SIAH1: variants seen among roughly 807,000 people sequenced by gnomAD.
SIAH1 encodes the protein siah E3 ubiquitin protein ligase 1, also known as E3 ubiquitin-protein ligase SIAH1.
SIAH1 carries 2 observed loss-of-function variants against 20.0 expected under a neutral mutation model. The observed-to-expected ratio is 0.10, with a 90% confidence interval of 0.04 to 0.31. The LOEUF (loss-of-function observed/expected upper bound fraction) is 0.31, where lower values mean the gene tolerates loss of function less well. Ranked by LOEUF, SIAH1 falls within the 10% of genes least tolerant of loss-of-function variation. The probability of loss-of-function intolerance (pLI) is 1.00; values close to 1 mark genes in which losing one functional copy is unlikely to be tolerated. For synonymous variants in SIAH1, 118 were observed against 125.3 expected, an observed-to-expected ratio of 0.94 and a Z score of 0.39; for missense variants, 119 against 355.3, an observed-to-expected ratio of 0.33 and a Z score of 5.35.
At chr16:48,365,488 G>A in intron 1 of SIAH1, 1 of 1,611,010 alleles carries the variant, frequency 6.2e-7, no homozygotes, top group Non-Finnish European at 8.5e-7. Flanking sequence ...GAGAAGTCAG[G>A]CCACGCATTG....
chr16:48,368,715 C>A (rs1191428557), intron 1 of SIAH1, among the ~76,000 whole-genome samples: 1 of 151,930 alleles, frequency 6.6e-6, no homozygotes, highest in African/African-American at 2.4e-5. Context: ...TGCACTCCAG[C>A]CTGGGCGACA....
At chr16:48,381,042 T>C (rs553994444) in intron 1 of SIAH1, among the ~76,000 whole-genome samples, 68 of 151,122 alleles carry the variant, frequency 4.5e-4, no homozygotes, top group East Asian at 1.6e-3. Context: ...TGCAAAATGG[T>C]ACAGCCAATC....
chr16:48,367,832 A>G lies in SIAH1; in HGVS notation c.-2-5402T>C, dbSNP rs563710791. Among the ~76,000 whole-genome samples, 24 of 152,386 alleles carry G rather than the reference A, an allele frequency of 1.6e-4. No individual in the cohort carries two copies. The South Asian group carries it at 4.3e-3, about 28-fold the overall frequency. On this transcript the variant is annotated intron_variant, in intron 1 of 1. Coordinates refer to ENST00000394725, the MANE Select transcript of SIAH1 (RefSeq NM_003031.4). ...AAGTTCACAGAAGTACCTTAAGACA[A>G]GCCCATAGAATCCAAAACTGGCAAA... is the stretch of plus-strand genomic sequence containing the variant.
At chr16:48,365,860 CT>C (rs1960815241) in intron 1 of SIAH1, 1 of 1,248,928 alleles carries the variant, frequency 8.0e-7, no homozygotes, top group Non-Finnish European at 1.0e-6. Flanking sequence ...AGGAAGTGCG[CT>C]CCCTGAGCCA....
chr16:48,372,680 A>C (rs1307749820), intron 1 of SIAH1, among the ~76,000 whole-genome samples: 2 of 152,228 alleles, frequency 1.3e-5, no homozygotes, highest in African/African-American at 2.4e-5. Context: ...CCACTAAAGC[A>C]CTTGTATGTC....
chr16:48,370,079 AG>A (rs1313263193), intron 1 of SIAH1, among the ~76,000 whole-genome samples: 1 of 152,230 alleles, frequency 6.6e-6, no homozygotes, highest in African/African-American at 2.4e-5. Flanking sequence ...GTGAAAGAAA[AG>A]CCTAATGCCA....
rs200203229 is a variant in SIAH1 at position 48,365,392 on chromosome 16, C to A, written c.-2-2962G>T. 1.1e-4 allele frequency: 182 copies of A among 1,613,988 alleles called. No individual in the cohort carries two copies. The highest frequency in any genetic ancestry group is 1.4e-4 in the Non-Finnish European group (163 of 1,180,014). On this transcript the variant is annotated intron_variant, in intron 1 of 1. Transcript: ENST00000394725. ...CATCCTCTTAATGTCAATACCTTTT[C>A]TCTTCCTTGTCCTGGCCGCTGGTAA...
chr16:48,365,710 G>C, intron 1 of SIAH1: 1 of 1,424,242 alleles, frequency 7.0e-7, no homozygotes, highest in Non-Finnish European at 9.1e-7. Flanking sequence ...TCCAAAAATG[G>C]GAGCCACAGC....
chr16:48,368,715 C>T (rs1191428557), intron 1 of SIAH1, among the ~76,000 whole-genome samples: 1 of 152,046 alleles, frequency 6.6e-6, no homozygotes, highest in East Asian at 1.9e-4. Context: ...TGCACTCCAG[C>T]CTGGGCGACA....
intron 1 of SIAH1, among the ~76,000 whole-genome samples, chr16:48,384,830 G>C (rs928522141): frequency 6.1e-5 from 9 of 148,096 alleles, no homozygotes; most frequent in Non-Finnish European, 1.3e-4. Flanking sequence ...GCCGGCACGA[G>C]GGCGCGGGGC....
At chr16:48,386,089 C>T (rs1460024775), upstream of SIAH1, among the ~76,000 whole-genome samples, 1 of 152,218 alleles carries the variant, frequency 6.6e-6, no homozygotes, top group Non-Finnish European at 1.5e-5. Flanking sequence ...AGGGACTCTG[C>T]ATTCCACTTC....
intron 1 of SIAH1, chr16:48,365,950 C>A (rs994340287): frequency 4.2e-6 from 5 of 1,184,408 alleles, no homozygotes; most frequent in Middle Eastern, 6.7e-4. Context: ...GCGTTGGGAA[C>A]GCCTACTCCA....
chr16:48,381,217 C>T (rs987954321), intron 1 of SIAH1, among the ~76,000 whole-genome samples: 2 of 151,702 alleles, frequency 1.3e-5, no homozygotes, highest in African/African-American at 2.4e-5. Flanking sequence ...TCATGGCAGG[C>T]GCCTGTAATC....
intron 1 of SIAH1, among the ~76,000 whole-genome samples, chr16:48,370,250 T>C (rs912173706): frequency 1.3e-5 from 2 of 152,220 alleles, no homozygotes; most frequent in East Asian, 1.9e-4. Context: ...TAAATTCTTA[T>C]TACATTACTC....
chr16:48,385,995 T>C (rs1961454778), upstream of SIAH1, among the ~76,000 whole-genome samples: 1 of 152,144 alleles, frequency 6.6e-6, no homozygotes, highest in African/African-American at 2.4e-5. Context: ...GGGACGAGCT[T>C]CAAAAGCTTG....
chr16:48,385,224 T>G lies in SIAH1; in HGVS notation c.-23A>C, dbSNP rs1961421158. 6.1e-6 allele frequency: 2 copies of G among 326,490 alleles called. No individual in the cohort carries two copies. The highest frequency in any genetic ancestry group is 3.2e-5 in the Admixed American group (1 of 31,074). The allele number at this position is 326,490 out of a possible 1,614,324, so 20.2% of individuals were successfully genotyped here. A position where few individuals can be genotyped will look rare whatever the true frequency, so the allele number is the denominator to read the frequency against. Reference sequence around the variant, plus strand: ...CTTACCTGTGGGCGGAGAGCGCGCCTCGGACCCCGGTCCTGGCACCAACGC... The same window carrying G: ...CTTACCTGTGGGCGGAGAGCGCGCCGCGGACCCCGGTCCTGGCACCAACGC... On this transcript the variant is annotated 5_prime_UTR_variant, in exon 1 of 2. Transcript: ENST00000394725.
chr16:48,375,199 G>C (rs898094623), intron 1 of SIAH1, among the ~76,000 whole-genome samples: 3 of 152,186 alleles, frequency 2.0e-5, no homozygotes, highest in South Asian at 2.1e-4. Flanking sequence ...ATGCCTGTTT[G>C]TAATAGTAAA....
At chr16:48,374,024 C>G (rs1961044001) in intron 1 of SIAH1, among the ~76,000 whole-genome samples, 2 of 152,224 alleles carry the variant, frequency 1.3e-5, no homozygotes, top group Admixed American at 1.3e-4. Context: ...CTCAGACCCT[C>G]TATTTAAAAT....
intron 1 of SIAH1, chr16:48,363,338 T>A (rs1960682345): frequency 6.0e-6 from 1 of 167,056 alleles, no homozygotes; most frequent in African/African-American, 2.4e-5. Flanking sequence ...TCCCCCCAAA[T>A]TATCACCAGC....
Sources: allele counts gnomAD v4.1 joint callset (sites outside exome capture counted in the v4.1 genomes callset), GRCh38; gene constraint gnomAD v4.1.1; transcripts MANE v1.5; gene names NCBI Gene and HGNC (gene_info 2026-07-23, HGNC 2026-07-21).